KLF13: variants seen among roughly 807,000 people sequenced by gnomAD.
KLF13 encodes the protein Krueppel-like factor 13.
Under a neutral mutation model 16.7 loss-of-function variants are expected in KLF13, and 8 were observed. That is an observed-to-expected ratio of 0.48 (90% CI 0.28 to 0.87). The LOEUF (loss-of-function observed/expected upper bound fraction) is 0.87. KLF13 is among the 40% of genes least tolerant of loss of function. The pLI, the probability that KLF13 is intolerant of heterozygous loss-of-function variation, is 0.10. For synonymous variants in KLF13, 245 were observed against 208.4 expected, an observed-to-expected ratio of 1.18 and a Z score of -1.51; for missense variants, 447 against 452.2, an observed-to-expected ratio of 0.99 and a Z score of 0.10.
intron 1 of KLF13, among the ~76,000 whole-genome samples, chr15:31,363,853 C>T (rs1161921302): frequency 6.6e-6 from 1 of 152,206 alleles, no homozygotes; most frequent in Non-Finnish European, 1.5e-5. Flanking sequence ...ACAGTTTTCT[C>T]CTAGAATGTT....
At chr15:31,368,691 TA>T (rs1250034798) in intron 1 of KLF13, among the ~76,000 whole-genome samples, 1 of 152,100 alleles carries the variant, frequency 6.6e-6, no homozygotes, top group Non-Finnish European at 1.5e-5. Flanking sequence ...CTGTCTCTAC[TA>T]AAAATATAAA....
chr15:31,421,942 C>G (rs1426750134), intron 1 of KLF13, among the ~76,000 whole-genome samples: 1 of 151,858 alleles, frequency 6.6e-6, no homozygotes, highest in South Asian at 2.1e-4. Context: ...GATGAAACCC[C>G]ATCTCTACCA....
In KLF13 at chr15:31,368,195, G is replaced by A. The variant is rs191075851; in HGVS notation, c.578-3815G>A. 3.3e-4 allele frequency among the ~76,000 whole-genome samples: 51 copies of A among 152,282 alleles called. 1 individual carries two copies. Among genetic ancestry groups the A allele is most frequent in the African/African-American group, 9.6e-4 (40 of 41,552 alleles). On this transcript the variant is annotated intron_variant, in intron 1 of 1. Transcript: ENST00000307145. Reference sequence around the variant, plus strand: ...TTATCACTTGGCTATATCTTTTGGGGGACCATTATCTGCCCTACTGCTGGC... The same window carrying A: ...TTATCACTTGGCTATATCTTTTGGGAGACCATTATCTGCCCTACTGCTGGC...
chr15:31,406,093 T>C (rs1260359261), downstream of KLF13, among the ~76,000 whole-genome samples: 1 of 152,058 alleles, frequency 6.6e-6, no homozygotes, highest in East Asian at 1.9e-4. Flanking sequence ...GAAAGTAAAG[T>C]TAAACTTCCC....
Position 31,417,553 on chromosome 15 carries a change from T to C in KLF13, n.118-17817T>C, listed in dbSNP as rs537499109. On this transcript the variant is annotated intron_variant and non_coding_transcript_variant, in intron 1 of 1. Transcript: ENST00000558225. Reference sequence around the variant, plus strand: ...CTGGTATTCTGTCTTTTTTTTCCTTTTTTTTAAAACAGAGTTTTGGTTTTG... The same window carrying C: ...CTGGTATTCTGTCTTTTTTTTCCTTCTTTTTAAAACAGAGTTTTGGTTTTG... Among the ~76,000 whole-genome samples, 4 of 152,196 alleles carry C rather than the reference T, an allele frequency of 2.6e-5. No homozygotes were observed. The South Asian group carries it at 8.3e-4, about 32-fold the overall frequency.
intron 1 of KLF13, among the ~76,000 whole-genome samples, chr15:31,359,071 T>C (rs1292086649): frequency 6.6e-6 from 1 of 152,168 alleles, no homozygotes; most frequent in Non-Finnish European, 1.5e-5. Context: ...CTCTCATGAG[T>C]CCACAGGTAG....
intron 1 of KLF13, among the ~76,000 whole-genome samples, chr15:31,367,912 T>C (rs2039501119): frequency 6.6e-6 from 1 of 152,090 alleles, no homozygotes; most frequent in Non-Finnish European, 1.5e-5. Flanking sequence ...CGAAACTTAC[T>C]CTCTCACAGT....
At chr15:31,418,609 C>A (rs2141006517) in intron 1 of KLF13, among the ~76,000 whole-genome samples, 1 of 152,190 alleles carries the variant, frequency 6.6e-6, no homozygotes, top group African/African-American at 2.4e-5. Flanking sequence ...CTCAACACCA[C>A]AAAACTGTGA....
At chr15:31,370,904 G>T (rs547761808) in intron 1 of KLF13, among the ~76,000 whole-genome samples, 6 of 152,152 alleles carry the variant, frequency 3.9e-5, no homozygotes, top group South Asian at 2.1e-4. Context: ...CATGCTGCTG[G>T]TTCTCCCTGG....
chr15:31,405,050 A>C (rs2040102744), downstream of KLF13, among the ~76,000 whole-genome samples: 1 of 152,220 alleles, frequency 6.6e-6, no homozygotes, highest in African/African-American at 2.4e-5. Context: ...TGTGCCCCTG[A>C]AACTCATATG....
In KLF13 at chr15:31,374,482, C is replaced by A. The variant is rs1400721332; in HGVS notation, c.*2183C>A. ...AAGAGAGCCCTGGGTGCTTGTGGTG[C>A]AAAGATCTTCATGCCCAGTTCCAAA... is the stretch of plus-strand genomic sequence containing the variant. On this transcript the variant is annotated 3_prime_UTR_variant, in exon 2 of 2. Transcript: ENST00000307145. 1 of 152,568 alleles carries A rather than the reference C, an allele frequency of 6.6e-6. No individual in the cohort carries two copies. The highest frequency in any genetic ancestry group is 2.4e-5 in the African/African-American group (1 of 41,428). 9.5% of individuals were successfully genotyped at this position (152,568 alleles called of 1,614,324 possible). A position where few individuals can be genotyped will look rare whatever the true frequency, so the allele number is the denominator to read the frequency against.
At chr15:31,393,471 G>T (rs1382381831) in intron 1 of KLF13, 1 of 151,474 alleles carries the variant, frequency 6.6e-6, no homozygotes, top group Non-Finnish European at 1.5e-5. Flanking sequence ...CCGCCAGGGG[G>T]TTTCAGAGCC....
chr15:31,393,192 T>A (rs1261578761), exon 1 of KLF13: 1 of 152,430 alleles, frequency 6.6e-6, no homozygotes, highest in East Asian at 1.9e-4. Context: ...GGCCTGCCCC[T>A]ACCTTCCCGC....
At position 31,415,350 on chromosome 15, in the gene KLF13, A is replaced by G. The variant is rs146892231; in HGVS notation, n.118-20020A>G. On this transcript the variant is annotated intron_variant and non_coding_transcript_variant, in intron 1 of 1. Coordinates refer to the KLF13 transcript ENST00000558225. Reference sequence around the variant, plus strand: ...TTATGACAAAATGCATACTCTTCTCAAGTGTACATAAAACATTCTCCAGAC... The same window carrying G: ...TTATGACAAAATGCATACTCTTCTCGAGTGTACATAAAACATTCTCCAGAC... Among the ~76,000 whole-genome samples the G allele has an allele frequency of 1.2e-3, 179 of 152,344 alleles. 2 individuals are homozygous for G. The highest frequency in any genetic ancestry group is 4.2e-3 in the African/African-American group (174 of 41,578).
intron 1 of KLF13, among the ~76,000 whole-genome samples, chr15:31,425,808 C>G (rs569539697): frequency 7.2e-5 from 11 of 152,048 alleles, no homozygotes; most frequent in African/African-American, 2.7e-4. Flanking sequence ...ATCCAGGAGG[C>G]GGAGGTTGCA....
At chr15:31,381,818 C>A (rs2039730217), downstream of KLF13, among the ~76,000 whole-genome samples, 1 of 152,250 alleles carries the variant, frequency 6.6e-6, no homozygotes, top group South Asian at 2.1e-4. Context: ...ATTGTCACTT[C>A]ACTACAGTTC....
intron 2 of KLF13, among the ~76,000 whole-genome samples, chr15:31,397,686 G>C (rs570158812): frequency 6.6e-6 from 1 of 152,326 alleles, no homozygotes; most frequent in South Asian, 2.1e-4. Context: ...GCTACTCTTT[G>C]TACAGTGTGA....
At chr15:31,417,802 T>C (rs2040272448) in intron 1 of KLF13, among the ~76,000 whole-genome samples, 1 of 152,166 alleles carries the variant, frequency 6.6e-6, no homozygotes, top group African/African-American at 2.4e-5. Flanking sequence ...TGCCTCAGCC[T>C]CCCAAAATGC....
rs556251593 is a variant in KLF13, at chr15:31,400,915, T to C, written n.530-2513T>C. 1.4e-4 allele frequency among the ~76,000 whole-genome samples: 21 copies of C among 152,280 alleles called. No individual in the cohort carries two copies. The South Asian group carries it at 3.7e-3, about 27-fold the overall frequency. ...ACCCCGAGATTTGGGTTTGAGCACC[T>C]GGAAGCGTCGCATCGCTATCATCTT... On this transcript the variant is annotated intron_variant and non_coding_transcript_variant, in intron 2 of 2. Transcript: ENST00000500533.
Sources: allele counts gnomAD v4.1 joint callset (sites outside exome capture counted in the v4.1 genomes callset), GRCh38; gene constraint gnomAD v4.1.1; transcripts MANE v1.5; gene names NCBI Gene and HGNC (gene_info 2026-07-23, HGNC 2026-07-21).